CPQ: variants seen among roughly 807,000 people sequenced by gnomAD.
The protein encoded by CPQ is Ser-Met dipeptidase.
Under a neutral mutation model 45.7 loss-of-function variants are expected in CPQ, and 37 were observed. The observed-to-expected ratio is 0.81, with a 90% confidence interval of 0.62 to 1.07. The LOEUF is 1.07. CPQ is among the 50% of genes least tolerant of loss of function. The probability of loss-of-function intolerance (pLI) is 0.00; values close to 1 mark genes in which losing one functional copy is unlikely to be tolerated. For missense variants in CPQ, 537 were observed against 572.9 expected (o/e 0.94, Z 0.64); for synonymous variants, 186 against 205.8 (o/e 0.90, Z 0.82).
chr8:96,857,668 C>A (rs4275202), intron 3 of CPQ, among the ~76,000 whole-genome samples: 77,182 of 151,946 alleles, frequency 0.51, 20,074 homozygotes, highest in African/African-American at 0.6. Context: ...TATTTATTAC[C>A]TGCTTCCTGT....
chr8:96,981,409 G>A (rs1030307326), intron 5 of CPQ, among the ~76,000 whole-genome samples: 5 of 152,096 alleles, frequency 3.3e-5, no homozygotes, highest in African/African-American at 4.8e-5. Flanking sequence ...TGTTCTCATC[G>A]CCAATCACCA....
intron 6 of CPQ, 97 bp downstream of exon 6, chr8:97,029,591 A>C: frequency 1.8e-6 from 2 of 1,137,104 alleles, no homozygotes; most frequent in Admixed American, 4.0e-5. Flanking sequence ...CTTTCTGGTC[A>C]ACTGGCCCTA....
intron 7 of CPQ, among the ~76,000 whole-genome samples, chr8:97,071,446 A>G (rs1810741738): frequency 1.3e-5 from 2 of 152,060 alleles, no homozygotes; most frequent in Admixed American, 6.6e-5. Flanking sequence ...TCTGTCCCCT[A>G]TCTCATTAGC....
At chr8:96,988,269 G>T (rs969707668) in intron 5 of CPQ, among the ~76,000 whole-genome samples, 1 of 151,972 alleles carries the variant, frequency 6.6e-6, no homozygotes, top group Non-Finnish European at 1.5e-5. Context: ...TAACTTCATT[G>T]CATTTAACTT....
chr8:96,671,590 A>G (rs1809005830), intron 1 of CPQ, among the ~76,000 whole-genome samples: 1 of 152,222 alleles, frequency 6.6e-6, no homozygotes, highest in African/African-American at 2.4e-5. Context: ...CAACAAGGAA[A>G]CTATCAATTT....
chr8:96,947,949 G>A (rs558579383), intron 4 of CPQ, among the ~76,000 whole-genome samples: 15 of 152,168 alleles, frequency 9.9e-5, no homozygotes, highest in African/African-American at 3.6e-4. Flanking sequence ...CTTGGCCATT[G>A]TTGAGATGAT....
chr8:96,984,807 G>C (rs1813980454), intron 5 of CPQ, among the ~76,000 whole-genome samples: 1 of 152,206 alleles, frequency 6.6e-6, no homozygotes, highest in Non-Finnish European at 1.5e-5. Context: ...GTGATAATTA[G>C]ATGAGCTTCA....
At chr8:97,033,359 T>G (rs1269966112) in intron 6 of CPQ, among the ~76,000 whole-genome samples, 2 of 152,230 alleles carry the variant, frequency 1.3e-5, no homozygotes, top group Non-Finnish European at 2.9e-5. Context: ...TTCATATGTT[T>G]AGCTGATTAT....
chr8:96,697,883 G>A (rs973640960), intron 1 of CPQ, among the ~76,000 whole-genome samples: 3 of 152,100 alleles, frequency 2.0e-5, no homozygotes, highest in Non-Finnish European at 2.9e-5. Flanking sequence ...GATATTCCAT[G>A]TCCATGGATT....
chr8:96,959,182 G>T (rs1006701494), intron 4 of CPQ, among the ~76,000 whole-genome samples: 1 of 152,130 alleles, frequency 6.6e-6, no homozygotes, highest in African/African-American at 2.4e-5. Flanking sequence ...CTTGAGAAGT[G>T]CCTGCCCACC....
intron 7 of CPQ, among the ~76,000 whole-genome samples, chr8:97,102,186 G>A (rs980697920): frequency 6.6e-6 from 1 of 152,060 alleles, no homozygotes; most frequent in African/African-American, 2.4e-5. Flanking sequence ...TGAAAAAAAG[G>A]AAAACGGATG....
chr8:96,810,034 C>T (rs865980822), intron 2 of CPQ, among the ~76,000 whole-genome samples: 1 of 152,070 alleles, frequency 6.6e-6, no homozygotes, highest in African/African-American at 2.4e-5. Context: ...GGAGTAGCTC[C>T]CTCCCCCAGC....
intron 4 of CPQ, among the ~76,000 whole-genome samples, chr8:96,929,943 G>A (rs1171191568): frequency 6.6e-6 from 1 of 151,844 alleles, no homozygotes; most frequent in African/African-American, 2.4e-5. Context: ...TCAGGTCAAA[G>A]CTTGGGTGAG....
chr8:97,023,262 G>A (rs1473113612), intron 5 of CPQ, among the ~76,000 whole-genome samples: 2 of 151,796 alleles, frequency 1.3e-5, no homozygotes, highest in African/African-American at 4.8e-5. Context: ...CTCATATGTG[G>A]GAGCCAAGCT....
At chr8:96,670,663 G>T (rs2130720105) in intron 1 of CPQ, among the ~76,000 whole-genome samples, 1 of 152,044 alleles carries the variant, frequency 6.6e-6, no homozygotes, top group Middle Eastern at 3.4e-3. Flanking sequence ...AACAAACTGT[G>T]ATATATCCAT....
intron 1 of CPQ, among the ~76,000 whole-genome samples, chr8:96,659,815 G>T (rs1815678867): frequency 6.6e-6 from 1 of 152,084 alleles, no homozygotes; most frequent in Non-Finnish European, 1.5e-5. Flanking sequence ...GTCGCCAAGG[G>T]CTGTTGTGTC....
In CPQ at chr8:96,877,104, A is replaced by G. The variant is rs1271676303; in HGVS notation, c.642-2694A>G. Among the ~76,000 whole-genome samples the G allele has an allele frequency of 3.9e-5, 6 of 152,246 alleles. No homozygotes were observed. In the South Asian group the frequency reaches 1.2e-3, roughly 32 times the overall value. On this transcript the variant is annotated intron_variant, in intron 3 of 7. Coordinates refer to ENST00000220763, the MANE Select transcript of CPQ (RefSeq NM_016134.4). ...GAAGGGGCTTGTAAATGGGGACAGG[A>G]CGGTGGTGTTTGTGCTGATTGGTCC...
At chr8:96,886,040 A>C (rs190797699) in intron 4 of CPQ, among the ~76,000 whole-genome samples, 1 of 152,254 alleles carries the variant, frequency 6.6e-6, no homozygotes, top group East Asian at 1.9e-4. Flanking sequence ...AAATAGCAGA[A>C]TAGGGGTAAT....
intron 5 of CPQ, among the ~76,000 whole-genome samples, chr8:97,001,395 C>T (rs1444285047): frequency 6.6e-6 from 1 of 151,978 alleles, no homozygotes; most frequent in Non-Finnish European, 1.5e-5. Flanking sequence ...ATATATGGCT[C>T]TTATTATTTT....
Sources: gnomAD v4.1 joint callset for allele counts (sites outside exome capture counted in the v4.1 genomes callset) on GRCh38, gnomAD v4.1.1 for gene constraint, MANE v1.5 for transcripts, NCBI Gene and HGNC (gene_info 2026-07-23, HGNC 2026-07-21) for gene names.